MACROD2: variants seen among roughly 807,000 people sequenced by gnomAD.
MACROD2 encodes ADP-ribose glycohydrolase MACROD2.
MACROD2 carries 36 observed loss-of-function variants against 70.4 expected under a neutral mutation model. That is an observed-to-expected ratio of 0.51 (90% CI 0.39 to 0.68). The LOEUF (loss-of-function observed/expected upper bound fraction) is 0.68. Ranked by LOEUF, MACROD2 falls within the 30% of genes least tolerant of loss-of-function variation. The pLI, the probability that MACROD2 is intolerant of heterozygous loss-of-function variation, is 0.00. For synonymous variants in MACROD2, 172 were observed against 178.8 expected, an observed-to-expected ratio of 0.96 and a Z score of 0.30; for missense variants, 496 against 538.4, an observed-to-expected ratio of 0.92 and a Z score of 0.78.
rs1247896585 is a variant in MACROD2 at position 15,233,963 on chromosome 20, TTATTTTTATATATATTTATTTATATATA to T, written c.540+3906_540+3933del. ...TGAGTTACCCTTGGATCCAAAAAAT[TTATTTTTATATATATTTATTTATATATA>T]TATATATATATATATATATTCTTTT... is the stretch of plus-strand genomic sequence containing the variant. On this transcript the variant is annotated intron_variant, in intron 6 of 17. Transcript: ENST00000684519. 7.4e-4 allele frequency among the ~76,000 whole-genome samples: 57 copies of T among 76,544 alleles called. 3 individuals are homozygous for T. Among genetic ancestry groups the T allele is most frequent in the South Asian group, 1.7e-3 (4 of 2,392 alleles). The allele number at this position is 76,544 out of a possible 152,430, so 50.2% of individuals were successfully genotyped here. A position where few individuals can be genotyped will look rare whatever the true frequency, so the allele number is the denominator to read the frequency against.
rs181324801 is a variant in MACROD2 at position 15,137,573 on chromosome 20, G to T, written c.419-92367G>T. On this transcript the variant is annotated intron_variant, in intron 5 of 17. Coordinates refer to ENST00000684519, the MANE Select transcript of MACROD2 (RefSeq NM_001351661.2). ...GGGGACTGTTGTGGGGTGGGGGGAG[G>T]GGGGAGGGATAGCATTAGGAGATAT... Among the ~76,000 whole-genome samples the T allele has an allele frequency of 1.2e-4, 14 of 112,890 alleles. No individual in the cohort carries two copies. In the Admixed American group the frequency reaches 1.2e-3, roughly 10 times the overall value. The allele number at this position is 112,890 out of a possible 152,430, so 74.1% of individuals were successfully genotyped here. A position where few individuals can be genotyped will look rare whatever the true frequency, so the allele number is the denominator to read the frequency against.
At chr20:14,240,992 G>T (rs980699479) in intron 3 of MACROD2, among the ~76,000 whole-genome samples, 1 of 152,140 alleles carries the variant, frequency 6.6e-6, no homozygotes, top group African/African-American at 2.4e-5. Flanking sequence ...AGCTGGGTGT[G>T]GTGGCACGTG....
At chr20:15,479,273 T>C (rs1466648542) in intron 7 of MACROD2, among the ~76,000 whole-genome samples, 1 of 109,372 alleles carries the variant, frequency 9.1e-6, no homozygotes, top group Non-Finnish European at 2.1e-5. Flanking sequence ...CTCTTTTTTT[T>C]TTTTTTTTTT....
intron 8 of MACROD2, among the ~76,000 whole-genome samples, chr20:15,777,250 A>G (rs1485156619): frequency 6.6e-6 from 1 of 152,136 alleles, no homozygotes; most frequent in Non-Finnish European, 1.5e-5. Flanking sequence ...TTACACACAC[A>G]TACATATTCT....
intron 3 of MACROD2, among the ~76,000 whole-genome samples, chr20:14,380,546 C>A (rs1416292901): frequency 6.6e-6 from 1 of 151,942 alleles, no homozygotes; most frequent in African/African-American, 2.4e-5. Context: ...AGTTTAAGGT[C>A]TTATATTTAA....
chr20:14,230,540 C>A (rs1431970689), intron 3 of MACROD2, among the ~76,000 whole-genome samples: 1 of 149,978 alleles, frequency 6.7e-6, no homozygotes, highest in Non-Finnish European at 1.5e-5. Flanking sequence ...ATTTTTACCA[C>A]ATCTGCAGTG....
intron 4 of MACROD2, among the ~76,000 whole-genome samples, chr20:14,662,883 G>A (rs1201582541): frequency 2.0e-5 from 3 of 151,968 alleles, no homozygotes; most frequent in Non-Finnish European, 4.4e-5. Flanking sequence ...TGAGAGTGTA[G>A]ATAGTGTAGA....
At chr20:15,315,162 A>T (rs1286158465) in intron 6 of MACROD2, among the ~76,000 whole-genome samples, 1 of 152,180 alleles carries the variant, frequency 6.6e-6, no homozygotes, top group East Asian at 1.9e-4. Context: ...AGCCTAAAAA[A>T]CCTGTAATAT....
At chr20:15,795,818 G>A (rs931600380) in intron 8 of MACROD2, among the ~76,000 whole-genome samples, 12 of 152,166 alleles carry the variant, frequency 7.9e-5, no homozygotes, top group African/African-American at 2.9e-4. Flanking sequence ...GGGAACATCC[G>A]TTGGTGGCAT....
At chr20:15,916,177 C>A (rs574460572) in intron 10 of MACROD2, among the ~76,000 whole-genome samples, 1 of 152,314 alleles carries the variant, frequency 6.6e-6, no homozygotes, top group South Asian at 2.1e-4. Context: ...CACCACCCAC[C>A]TTCCCACACA....
chr20:15,643,100 T>TG (rs1488960473), intron 8 of MACROD2, among the ~76,000 whole-genome samples: 2 of 152,216 alleles, frequency 1.3e-5, no homozygotes, highest in Admixed American at 1.3e-4. Context: ...ATTTTGGATT[T>TG]GGGGGTGACC....
At chr20:15,774,529 T>G (rs1270870710) in intron 8 of MACROD2, among the ~76,000 whole-genome samples, 1 of 152,102 alleles carries the variant, frequency 6.6e-6, no homozygotes, top group African/African-American at 2.4e-5. Context: ...AAGGAGCTGG[T>G]AAAGGTCTGC....
intron 10 of MACROD2, among the ~76,000 whole-genome samples, chr20:15,903,023 T>A (rs2065088378): frequency 6.6e-6 from 1 of 152,120 alleles, no homozygotes; most frequent in Non-Finnish European, 1.5e-5. Context: ...AGAAGAAACC[T>A]GAAAAGCATA....
At chr20:14,806,520 G>T (rs983006154) in intron 5 of MACROD2, among the ~76,000 whole-genome samples, 3 of 152,014 alleles carry the variant, frequency 2.0e-5, no homozygotes, top group African/African-American at 7.2e-5. Flanking sequence ...GGCTGTTTGG[G>T]CACACATCAA....
At chr20:15,916,341 G>C (rs1008043082) in intron 10 of MACROD2, among the ~76,000 whole-genome samples, 3 of 152,214 alleles carry the variant, frequency 2.0e-5, no homozygotes, top group Admixed American at 1.3e-4. Context: ...GGGAGAGGGA[G>C]AGCATGTCCT....
intron 7 of MACROD2, among the ~76,000 whole-genome samples, chr20:15,433,098 T>C (rs908974866): frequency 2.0e-5 from 3 of 151,892 alleles, no homozygotes; most frequent in African/African-American, 7.3e-5. Context: ...ACCAACATCA[T>C]ACTGAATGGG....
chr20:15,940,023 GA>G (rs550930656), intron 12 of MACROD2, among the ~76,000 whole-genome samples: 447 of 151,918 alleles, frequency 2.9e-3, no homozygotes, highest in African/African-American at 0.01. Context: ...TATTTATTAA[GA>G]AAAAAAAGTG....
At chr20:15,035,992 G>T (rs999231785) in intron 5 of MACROD2, among the ~76,000 whole-genome samples, 2 of 152,116 alleles carry the variant, frequency 1.3e-5, no homozygotes, top group South Asian at 4.1e-4. Flanking sequence ...AAGGGGAATG[G>T]GGGGAGGATG....
intron 5 of MACROD2, among the ~76,000 whole-genome samples, chr20:14,693,421 G>A (rs1426894209): frequency 6.6e-6 from 1 of 152,168 alleles, no homozygotes; most frequent in African/African-American, 2.4e-5. Flanking sequence ...TGCAGAGATG[G>A]CAGAATACAT....
Sources: gnomAD v4.1 joint callset for allele counts (sites outside exome capture counted in the v4.1 genomes callset) on GRCh38, gnomAD v4.1.1 for gene constraint, MANE v1.5 for transcripts, NCBI Gene and HGNC (gene_info 2026-07-23, HGNC 2026-07-21) for gene names.